CELF4: variants seen among roughly 807,000 people sequenced by gnomAD.
CELF4 encodes CUG-BP- and ETR-3-like factor 4.
A neutral mutation model predicts 59.9 loss-of-function variants in CELF4; 18 were observed. That is an observed-to-expected ratio of 0.30 (90% CI 0.21 to 0.45). CELF4 has a LOEUF of 0.45. CELF4 is among the 20% of genes least tolerant of loss of function. The probability of loss-of-function intolerance (pLI) is 1.00; values close to 1 mark genes in which losing one functional copy is unlikely to be tolerated. For missense variants in CELF4, 456 were observed against 689.0 expected (o/e 0.66, Z 3.79); for synonymous variants, 261 against 267.1 (o/e 0.98, Z 0.22).
intron 2 of CELF4, among the ~76,000 whole-genome samples, chr18:37,442,792 C>T (rs918997552): frequency 2.0e-5 from 3 of 152,208 alleles, no homozygotes; most frequent in Non-Finnish European, 2.9e-5. Context: ...AGACGTCTTA[C>T]GGAGGCGCCT....
intron 2 of CELF4, among the ~76,000 whole-genome samples, chr18:37,412,574 G>A (rs991601322): frequency 6.6e-6 from 1 of 151,956 alleles, no homozygotes; most frequent in Non-Finnish European, 1.5e-5. Flanking sequence ...GTATGAATGG[G>A]TGAATGGTTG....
At chr18:37,524,035 G>A (rs2154604779) in intron 1 of CELF4, among the ~76,000 whole-genome samples, 1 of 152,366 alleles carries the variant, frequency 6.6e-6, no homozygotes, top group East Asian at 1.9e-4. Flanking sequence ...ATATCCCAGA[G>A]AGACACTGTG....
Position 37,439,998 on chromosome 18 carries a change from C to G in CELF4, c.369+45527G>C, listed in dbSNP as rs750481368. On this transcript the variant is annotated intron_variant, in intron 2 of 12. Coordinates refer to ENST00000420428, the MANE Select transcript of CELF4 (RefSeq NM_020180.4). ...TCCTGGGGATGGCCCACCTCTGCCACTCAAGGCCACAGCAAGGTGCTGATG... is the reference window on the plus strand; with the variant it reads ...TCCTGGGGATGGCCCACCTCTGCCAGTCAAGGCCACAGCAAGGTGCTGATG... Among the ~76,000 whole-genome samples the G allele has an allele frequency of 6.6e-5, 10 of 152,208 alleles. 1 individual carries two copies. The highest frequency in any genetic ancestry group is 2.0e-4 in the Admixed American group (3 of 15,278).
At chr18:37,425,932 CAGGG>C (rs2099609387) in intron 2 of CELF4, among the ~76,000 whole-genome samples, 1 of 152,218 alleles carries the variant, frequency 6.6e-6, no homozygotes, top group Non-Finnish European at 1.5e-5. Flanking sequence ...GGACATCAGC[CAGGG>C]AGGGAGAGGC....
chr18:37,531,222 C>G (rs942852181), intron 1 of CELF4, among the ~76,000 whole-genome samples: 1 of 152,116 alleles, frequency 6.6e-6, no homozygotes, highest in African/African-American at 2.4e-5. Context: ...CCCTTCTATC[C>G]CAGGTTCCAG....
At chr18:37,276,030 C>T (rs1452098552) in intron 3 of CELF4, 1 of 152,226 alleles carries the variant, frequency 6.6e-6, no homozygotes, top group African/African-American at 2.4e-5. Flanking sequence ...CCAGGGCACA[C>T]CTCCTTGGTA....
At chr18:37,288,330 C>T (rs372065363) in intron 3 of CELF4, among the ~76,000 whole-genome samples, 106 of 152,306 alleles carry the variant, frequency 7.0e-4, no homozygotes, top group African/African-American at 2.3e-3. Context: ...TGTGGTGAGA[C>T]GGCAGGTGTT....
At chr18:37,297,392 C>T (rs1416650102) in intron 3 of CELF4, among the ~76,000 whole-genome samples, 1 of 152,180 alleles carries the variant, frequency 6.6e-6, no homozygotes, top group East Asian at 1.9e-4. Context: ...CTCACGCTTT[C>T]ACATGCATTC....
Position 37,253,453 on chromosome 18 carries a change from C to G in CELF4, c.*44+314G>C, listed in dbSNP as rs1203750811. Among the ~76,000 whole-genome samples, 1 of 152,156 alleles carries G rather than the reference C, an allele frequency of 6.6e-6. No homozygotes were observed. On this transcript the variant is annotated intron_variant, in intron 12 of 12. Transcript: ENST00000420428. The surrounding 1 kb of genome is among the most constrained non-coding windows in gnomAD (Gnocchi z 4.5). ...AGCCTGAGCTTGCCACCTGTTCACC[C>G]CAGGGTTCTCTGGCCAACAGGACTG...
intron 2 of CELF4, among the ~76,000 whole-genome samples, chr18:37,418,161 A>G (rs756292017): frequency 2.6e-4 from 39 of 152,176 alleles, no homozygotes; most frequent in Admixed American, 2.0e-4. Context: ...GGAAATCCAC[A>G]TGGTTGGGGA....
At chr18:37,300,852 G>A (rs2095983286) in intron 3 of CELF4, among the ~76,000 whole-genome samples, 1 of 152,232 alleles carries the variant, frequency 6.6e-6, no homozygotes, top group South Asian at 2.1e-4. Flanking sequence ...TGGCATCTGG[G>A]GGTGCCTGGC....
intron 2 of CELF4, among the ~76,000 whole-genome samples, chr18:37,386,416 C>T (rs1036534508): frequency 9.2e-5 from 14 of 152,060 alleles, no homozygotes; most frequent in Non-Finnish European, 2.1e-4. Context: ...TGGGGAGAGA[C>T]GGGAAGGCAG....
At chr18:37,251,303 G>A (rs975775360) in intron 12 of CELF4, among the ~76,000 whole-genome samples, 5 of 152,056 alleles carry the variant, frequency 3.3e-5, no homozygotes, top group South Asian at 2.1e-4. Context: ...TGGAAGAACC[G>A]ACTCTGTGTT....
intron 1 of CELF4, among the ~76,000 whole-genome samples, chr18:37,553,882 T>C (rs2099983990): frequency 6.6e-6 from 1 of 152,018 alleles, no homozygotes; most frequent in African/African-American, 2.4e-5. Flanking sequence ...GGGCCCGCAG[T>C]GTGTGTGTAA....
intron 2 of CELF4, among the ~76,000 whole-genome samples, chr18:37,387,650 G>A (rs1422286919): frequency 6.6e-6 from 1 of 152,244 alleles, no homozygotes; most frequent in Non-Finnish European, 1.5e-5. Context: ...GAGGCTGGTG[G>A]AAGAGTCCAG....
At chr18:37,525,973 T>C (rs1276609846) in intron 1 of CELF4, among the ~76,000 whole-genome samples, 1 of 152,080 alleles carries the variant, frequency 6.6e-6, no homozygotes, top group Non-Finnish European at 1.5e-5. Flanking sequence ...AATCAGAAAC[T>C]CTGGGGTGGG....
chr18:37,286,000 CT>C lies in CELF4; in HGVS notation c.449-10758del, dbSNP rs1216367578. 6.6e-5 allele frequency among the ~76,000 whole-genome samples: 10 copies of C among 151,976 alleles called. No individual in the cohort carries two copies. In the East Asian group the frequency reaches 1.9e-3, roughly 29 times the overall value. On this transcript the variant is annotated intron_variant, in intron 3 of 12. Coordinates refer to ENST00000420428, the MANE Select transcript of CELF4 (RefSeq NM_020180.4). ...CAGGATAATTTATAACATAATGGGG[CT>C]TTTTTTTCCTTTACATCATGCGGGA...
chr18:37,335,482 A>AGTGTGTGTGTGTGT (rs55853220), intron 2 of CELF4, among the ~76,000 whole-genome samples: 3 of 144,278 alleles, frequency 2.1e-5, no homozygotes, highest in Admixed American at 6.9e-5. Context: ...CAGTGCATGC[A>AGTGTGTGTGTGTGT]GTGTGTGTGT....
chr18:37,439,681 C>T (rs1029062144), intron 2 of CELF4, among the ~76,000 whole-genome samples: 1 of 152,098 alleles, frequency 6.6e-6, no homozygotes, highest in Non-Finnish European at 1.5e-5. Context: ...GCTCTCCTGT[C>T]CCCCCATATC....
Sources: allele counts gnomAD v4.1 joint callset (sites outside exome capture counted in the v4.1 genomes callset), GRCh38; gene constraint gnomAD v4.1.1; non-coding constraint Gnocchi (gnomAD v3.1); transcripts MANE v1.5; gene names NCBI Gene and HGNC (gene_info 2026-07-23, HGNC 2026-07-21).